The following IREB2 variants were observed in gnomAD, a reference collection of about 807,000 sequenced individuals.
IREB2 encodes the protein iron-responsive element-binding protein 2.
In IREB2, 39 loss-of-function variants were observed where a neutral mutation model predicts 118.8. That is an observed-to-expected ratio of 0.33 (90% CI 0.25 to 0.43). The LOEUF is 0.43. IREB2 is among the 20% of genes least tolerant of loss of function. The probability of loss-of-function intolerance (pLI) is 1.00; values close to 1 mark genes in which losing one functional copy is unlikely to be tolerated. For missense variants in IREB2, 900 were observed against 1,147.3 expected, an observed-to-expected ratio of 0.78 and a Z score of 3.11; for synonymous variants, 372 against 392.2, an observed-to-expected ratio of 0.95 and a Z score of 0.61.
chr15:78,490,575 G>T (rs779428269), intron 17 of IREB2, 44 bp from the exon 18 acceptor site: 1 of 1,608,268 alleles, frequency 6.2e-7, no homozygotes, highest in Non-Finnish European at 8.5e-7. Context: ...TATAAACTAA[G>T]AAGTCTTGTA....
At chr15:78,450,739 G>A (rs2051010007) in intron 2 of IREB2, among the ~76,000 whole-genome samples, 1 of 152,062 alleles carries the variant, frequency 6.6e-6, no homozygotes, top group Non-Finnish European at 1.5e-5. Flanking sequence ...TCCAGGTACT[G>A]GCACAGGCAG....
chr15:78,471,753 G>A lies in IREB2; in HGVS notation c.712G>A (p.Val238Ile). The A allele has an allele frequency of 6.2e-7, 1 of 1,600,188 alleles. No homozygotes were observed. The highest frequency in any genetic ancestry group is 8.5e-7 in the Non-Finnish European group (1 of 1,173,540). Residue 238 changes from valine to isoleucine, a missense_variant, in exon 7 of 22, where the codon GTT becomes ATT. Coordinates refer to ENST00000258886, the MANE Select transcript of IREB2 (RefSeq NM_004136.4). The part of the protein sequence containing the change: ...RLQFFKWSSR[V>I]FKNVAVIPPG... Reference sequence around the variant, plus strand: ...AAACAAAATATAGTGGAGTTCAAGAGTTTTTAAGAATGTGGCAGTGATCCC... The same window carrying A: ...AAACAAAATATAGTGGAGTTCAAGAATTTTTAAGAATGTGGCAGTGATCCC...
chr15:78,438,721 G>T (rs1037741441), intron 1 of IREB2: 1 of 346,634 alleles, frequency 2.9e-6, no homozygotes, highest in African/African-American at 2.2e-5. Context: ...CCATTGGCGA[G>T]CGATGAAGGC....
chr15:78,465,183 GTTTATCA>G, intron 3 of IREB2, 61 bp from the exon 4 acceptor site: 3 of 1,256,906 alleles, frequency 2.4e-6, no homozygotes, highest in South Asian at 1.5e-5. Flanking sequence ...AAATGAAAAA[GTTTATCA>G]TTTATTAAGC....
chr15:78,450,332 A>G (rs1352871960), intron 2 of IREB2, among the ~76,000 whole-genome samples: 1 of 152,250 alleles, frequency 6.6e-6, no homozygotes, highest in African/African-American at 2.4e-5. Context: ...TAATTGTAAT[A>G]CAGGATAATT....
At chr15:78,461,597 A>G (rs2051197924) in intron 2 of IREB2, among the ~76,000 whole-genome samples, 1 of 152,192 alleles carries the variant, frequency 6.6e-6, no homozygotes, top group African/African-American at 2.4e-5. Context: ...ACATATATAG[A>G]ACAATGGTTA....
intron 10 of IREB2, among the ~76,000 whole-genome samples, chr15:78,482,450 A>G (rs1337983916): frequency 2.0e-5 from 3 of 152,328 alleles, no homozygotes; most frequent in East Asian, 1.9e-4. Context: ...TAACCAAGGA[A>G]TAGAACCCTG....
chr15:78,445,149 T>A (rs2141448552), intron 2 of IREB2, among the ~76,000 whole-genome samples: 1 of 151,800 alleles, frequency 6.6e-6, no homozygotes, highest in Non-Finnish European at 1.5e-5. Flanking sequence ...TTTTTTTTTT[T>A]TTTTTTGAGA....
intron 3 of IREB2, among the ~76,000 whole-genome samples, chr15:78,464,035 A>G (rs946860734): frequency 2.6e-5 from 4 of 152,140 alleles, no homozygotes; most frequent in Non-Finnish European, 5.9e-5. Flanking sequence ...TACCTTTTAA[A>G]TATATCTTGT....
chr15:78,498,121 T>C lies in IREB2; in HGVS notation c.2870T>C (p.Phe957Ser), dbSNP rs780564082. 3.7e-6 allele frequency: 6 copies of C among 1,606,216 alleles called. No individual in the cohort carries two copies. The South Asian group carries it at 5.5e-5, about 15-fold the overall frequency. Residue 957 changes from phenylalanine to serine, a missense_variant, in exon 22 of 22, where the codon TTT becomes TCT. Physicochemically the swap from Phe to Ser is radical, Grantham distance 155 (BLOSUM62 -2). Coordinates refer to ENST00000258886, the MANE Select transcript of IREB2 (RefSeq NM_004136.4). The stretch of plus-strand genomic sequence containing the variant: ...TACAAACATGGAGGATTATTAAACT[T>C]TGTGGCACGAAAATTCTCATAGTAT... ...TLYKHGGLLNFVARKFS is the reference protein window; with the variant it reads ...TLYKHGGLLNSVARKFS
upstream of IREB2, chr15:78,438,051 C>T (rs1807722141): frequency 6.2e-6 from 3 of 485,570 alleles, no homozygotes; most frequent in South Asian, 2.8e-5. Context: ...CAGCGCTCCG[C>T]CCCCGCTCGC....
chr15:78,456,713 C>G (rs549938236), intron 2 of IREB2, among the ~76,000 whole-genome samples: 15 of 151,826 alleles, frequency 9.9e-5, no homozygotes, highest in Non-Finnish European at 1.6e-4. Context: ...TCGTAGCACT[C>G]TTATTTGATA....
At chr15:78,441,246 T>C (rs1172242252) in intron 2 of IREB2, among the ~76,000 whole-genome samples, 1 of 152,224 alleles carries the variant, frequency 6.6e-6, no homozygotes, top group African/African-American at 2.4e-5. Context: ...ATAAACAGTT[T>C]GCCAAAATGA....
Position 78,478,541 on chromosome 15 carries a change from A to G in IREB2, c.1296+144A>G, listed in dbSNP as rs902456269. The G allele has an allele frequency of 1.1e-5, 6 of 548,946 alleles. No homozygotes were observed. In the African/African-American group the frequency reaches 1.2e-4, roughly 11 times the overall value. The allele number at this position is 548,946 out of a possible 1,614,324, so 34.0% of individuals were successfully genotyped here. ...AATATGGTAAAACCCTGTCACTGCA[A>G]AAAAACTACAAACATTAGCTGGGCA... is the stretch of plus-strand genomic sequence containing the variant. On this transcript the variant is annotated intron_variant, in intron 10 of 21. Coordinates refer to ENST00000258886, the MANE Select transcript of IREB2 (RefSeq NM_004136.4).
At chr15:78,445,172 G>A (rs890645190) in intron 2 of IREB2, among the ~76,000 whole-genome samples, 1 of 144,958 alleles carries the variant, frequency 6.9e-6, no homozygotes, top group African/African-American at 2.6e-5. Context: ...GAGTCTTGCT[G>A]TGTTGCCCAG....
chr15:78,454,110 A>G (rs1373401666), intron 2 of IREB2, among the ~76,000 whole-genome samples: 2 of 152,236 alleles, frequency 1.3e-5, no homozygotes, highest in African/African-American at 4.8e-5. Context: ...TAGTGCAGCC[A>G]CTTTGGGAAA....
chr15:78,490,835 G>C, intron 18 of IREB2, 74 bp downstream of exon 18: 1 of 1,389,112 alleles, frequency 7.2e-7, no homozygotes, highest in Non-Finnish European at 9.9e-7. Context: ...TATTGGTCTT[G>C]TTCCTTTTTT....
chr15:78,438,303 G>A lies in IREB2; in HGVS notation c.-35G>A, dbSNP rs754583759. 3.1e-5 allele frequency: 48 copies of A among 1,568,150 alleles called. No individual in the cohort carries two copies. Among genetic ancestry groups the A allele is most frequent in the Non-Finnish European group, 3.8e-5 (44 of 1,154,010 alleles). ...CGGCCTCCCCCTTCTTCCCCCGCTG[G>A]CCCCCTCCCCGGAGGGATAATATGG... On this transcript the variant is annotated 5_prime_UTR_variant, in exon 1 of 22. Transcript: ENST00000258886.
chr15:78,464,674 C>T (rs2051251563), intron 3 of IREB2, among the ~76,000 whole-genome samples: 1 of 152,160 alleles, frequency 6.6e-6, no homozygotes, highest in African/African-American at 2.4e-5. Context: ...GCATCGACCT[C>T]CTGGGCTCAA....
Sources: gnomAD v4.1 joint callset for allele counts (sites outside exome capture counted in the v4.1 genomes callset) on GRCh38, gnomAD v4.1.1 for gene constraint, MANE v1.5 for transcripts, NCBI Gene and HGNC (gene_info 2026-07-23, HGNC 2026-07-21) for gene names.